Variants in SLC7A14 observed in about 807,000 individuals in gnomAD.
SLC7A14 encodes gamma-aminobutyric acid transporter SLC7A14.
A neutral mutation model predicts 60.2 loss-of-function variants in SLC7A14; 37 were observed. The observed-to-expected ratio is 0.61, with a 90% CI of 0.47 to 0.81. The LOEUF is 0.81. SLC7A14 is among the 30% of genes least tolerant of loss of function. The pLI, the probability that SLC7A14 is intolerant of heterozygous loss-of-function variation, is 0.00. For missense variants in SLC7A14, 886 were observed against 982.7 expected (o/e 0.90, Z 1.32); for synonymous variants, 399 against 395.8 (o/e 1.01, Z -0.10).
chr3:170,533,385 C>G (rs1177106675), intron 1 of SLC7A14, among the ~76,000 whole-genome samples: 10 of 152,158 alleles, frequency 6.6e-5, no homozygotes. Flanking sequence ...CAGTTTTGCT[C>G]TCTGTATCTA....
rs1186388910 is a variant in SLC7A14, at chr3:170,463,470, C to G, written c.*3585G>C. On this transcript the variant is annotated 3_prime_UTR_variant, in exon 8 of 8. Transcript: ENST00000231706. ...AGCACATTACAAGTCCGTCATCTCA[C>G]CTGACACATTCACTATTGTTCTTTA... The G allele has an allele frequency of 6.6e-6, 1 of 152,180 alleles. No individual in the cohort carries two copies. Among genetic ancestry groups the G allele is most frequent in the Non-Finnish European group, 1.5e-5 (1 of 68,028 alleles). The allele number at this position is 152,180 out of a possible 1,614,324, so 9.4% of individuals were successfully genotyped here. A position where few individuals can be genotyped will look rare whatever the true frequency, so the allele number is the denominator to read the frequency against.
intron 4 of SLC7A14, among the ~76,000 whole-genome samples, chr3:170,492,379 C>T (rs779347045): frequency 6.6e-6 from 1 of 152,088 alleles, no homozygotes; most frequent in Non-Finnish European, 1.5e-5. Context: ...GTTGTGTGCA[C>T]CTGTAGTTCC....
At chr3:170,540,440 G>T (rs1713988318) in intron 1 of SLC7A14, among the ~76,000 whole-genome samples, 1 of 151,380 alleles carries the variant, frequency 6.6e-6, no homozygotes, top group African/African-American at 2.4e-5. Flanking sequence ...GTATATTTTT[G>T]ATTTTTAGTT....
intron 4 of SLC7A14, chr3:170,496,260 G>C: frequency 1.0e-6 from 1 of 957,944 alleles, no homozygotes; most frequent in South Asian, 1.3e-5. Flanking sequence ...CAGCTGGGCT[G>C]AGGCTGAGAG....
chr3:170,517,011 G>A (rs1290319328), intron 2 of SLC7A14, among the ~76,000 whole-genome samples: 2 of 152,150 alleles, frequency 1.3e-5, no homozygotes, highest in Non-Finnish European at 2.9e-5. Context: ...CAGCTAGTGT[G>A]AGGCACAGCA....
In SLC7A14 at chr3:170,472,511, A is replaced by T. The variant is rs543627832; in HGVS notation, c.1994-5134T>A. ...CCGGGCACGGTGGCTCACGCCTGTAATCCCAGCACTTTGGGAGGCGGAGGT... is the reference window on the plus strand; with the variant it reads ...CCGGGCACGGTGGCTCACGCCTGTATTCCCAGCACTTTGGGAGGCGGAGGT... On this transcript the variant is annotated intron_variant, in intron 7 of 7. Coordinates refer to ENST00000231706, the MANE Select transcript of SLC7A14 (RefSeq NM_020949.3). Among the ~76,000 whole-genome samples the T allele has an allele frequency of 6.6e-5, 10 of 152,242 alleles. No individual in the cohort carries two copies. The South Asian group carries it at 2.1e-3, about 32-fold the overall frequency.
intron 2 of SLC7A14, among the ~76,000 whole-genome samples, chr3:170,504,153 G>A (rs544411824): frequency 6.4e-4 from 98 of 152,296 alleles, no homozygotes; most frequent in African/African-American, 2.0e-3. Flanking sequence ...TGGCATTGAA[G>A]CTCACTGGTG....
intron 1 of SLC7A14, among the ~76,000 whole-genome samples, chr3:170,534,838 T>C (rs561215415): frequency 6.6e-6 from 1 of 152,344 alleles, no homozygotes; most frequent in East Asian, 1.9e-4. Flanking sequence ...ATATTTCTAC[T>C]GACACAAATA....
chr3:170,552,006 T>A (rs1014898777), intron 1 of SLC7A14, among the ~76,000 whole-genome samples: 34 of 152,220 alleles, frequency 2.2e-4, no homozygotes, highest in Non-Finnish European at 4.1e-4. Context: ...TTACAAAGAC[T>A]TATGACTATA....
At chr3:170,505,290 A>G (rs1439159886) in intron 2 of SLC7A14, among the ~76,000 whole-genome samples, 2 of 152,202 alleles carry the variant, frequency 1.3e-5, no homozygotes, top group Non-Finnish European at 2.9e-5. Context: ...ATGAGTCTGC[A>G]TTTGTGGCAG....
At chr3:170,495,640 CG>C in intron 4 of SLC7A14, 2 of 819,780 alleles carry the variant, frequency 2.4e-6, no homozygotes, top group Non-Finnish European at 4.3e-6. Flanking sequence ...ACCACTGTCA[CG>C]TTCAACCAGA....
At chr3:170,467,966 C>T (rs2108262200) in intron 7 of SLC7A14, among the ~76,000 whole-genome samples, 1 of 152,314 alleles carries the variant, frequency 6.6e-6, no homozygotes, top group African/African-American at 2.4e-5. Flanking sequence ...CGTGATATAT[C>T]ATGGCCACTC....
At chr3:170,553,784 T>C (rs907840592) in intron 1 of SLC7A14, among the ~76,000 whole-genome samples, 7 of 152,154 alleles carry the variant, frequency 4.6e-5, no homozygotes, top group African/African-American at 1.7e-4. Flanking sequence ...ATATTGGAAC[T>C]AGAGTCAACC....
At chr3:170,505,148 C>T (rs574601524) in intron 2 of SLC7A14, among the ~76,000 whole-genome samples, 37 of 151,970 alleles carry the variant, frequency 2.4e-4, no homozygotes, top group Non-Finnish European at 4.3e-4. Flanking sequence ...TCCAGGACTG[C>T]AACAGCTGGG....
chr3:170,484,658 G>T (rs543423165), intron 5 of SLC7A14, among the ~76,000 whole-genome samples: 8 of 152,286 alleles, frequency 5.3e-5, no homozygotes, highest in Non-Finnish European at 7.4e-5. Context: ...GGAGCCAAGG[G>T]CCACCAAGGA....
intron 1 of SLC7A14, among the ~76,000 whole-genome samples, chr3:170,569,640 T>C (rs901058883): frequency 6.6e-6 from 1 of 152,192 alleles, no homozygotes; most frequent in Non-Finnish European, 1.5e-5. Flanking sequence ...CATCTGGTCC[T>C]GGTCTCTTTT....
At chr3:170,495,707 C>T (rs1577512288) in intron 4 of SLC7A14, 1 of 1,085,854 alleles carries the variant, frequency 9.2e-7, no homozygotes, top group Non-Finnish European at 1.4e-6. Flanking sequence ...CCATGCACAC[C>T]CAGGAGAAGG....
intron 1 of SLC7A14, among the ~76,000 whole-genome samples, chr3:170,577,342 G>A (rs1442171891): frequency 6.6e-6 from 1 of 152,160 alleles, no homozygotes; most frequent in East Asian, 1.9e-4. Flanking sequence ...GAGGAGGCCG[G>A]GCGCGGTGGC....
intron 1 of SLC7A14, among the ~76,000 whole-genome samples, chr3:170,577,513 G>A (rs564351857): frequency 6.6e-6 from 1 of 151,478 alleles, no homozygotes; most frequent in South Asian, 2.1e-4. Context: ...AGCTACTCGG[G>A]AGGCTGAGGC....
Sources: allele counts gnomAD v4.1 joint callset (sites outside exome capture counted in the v4.1 genomes callset), GRCh38; gene constraint gnomAD v4.1.1; transcripts MANE v1.5; gene names NCBI Gene and HGNC (gene_info 2026-07-23, HGNC 2026-07-21).